The following GPHN variants were observed in gnomAD, a reference collection of about 807,000 sequenced individuals.
GPHN encodes the protein gephyrin.
In GPHN, 17 loss-of-function variants were observed where a neutral mutation model predicts 95.5. The ratio of observed to expected loss-of-function variants is 0.18; its 90% CI spans 0.12 to 0.27. GPHN has a LOEUF of 0.27. Among genes scored for constraint, GPHN ranks in the 10% least tolerant of loss-of-function variants. The probability of loss-of-function intolerance (pLI) is 1.00; values close to 1 mark genes in which losing one functional copy is unlikely to be tolerated. For synonymous variants in GPHN, 320 were observed against 322.5 expected, an observed-to-expected ratio of 0.99 and a Z score of 0.08; for missense variants, 660 against 978.1, an observed-to-expected ratio of 0.67 and a Z score of 4.34.
At chr14:66,546,535 G>A (rs1054377913) in intron 1 of GPHN, among the ~76,000 whole-genome samples, 5 of 152,306 alleles carry the variant, frequency 3.3e-5, no homozygotes, top group Admixed American at 6.5e-5. Flanking sequence ...TCGGGAGGCC[G>A]AGGCTGGCCG....
At chr14:67,370,040 T>C in the GPHN span, among the ~76,000 whole-genome samples, 2 of 152,240 alleles carry the variant, frequency 1.3e-5, no homozygotes, top group Non-Finnish European at 2.9e-5. Context: ...GATACTAAAT[T>C]AACTAAAAGT....
chr14:67,397,677 C>A, the GPHN span: 1 of 1,611,954 alleles, frequency 6.2e-7, no homozygotes, highest in Non-Finnish European at 8.5e-7. Flanking sequence ...GGTTTTCATA[C>A]TCCAGGCAGG....
chr14:66,534,521 T>A (rs1001903356), intron 1 of GPHN, among the ~76,000 whole-genome samples: 1 of 152,320 alleles, frequency 6.6e-6, no homozygotes, highest in South Asian at 2.1e-4. Flanking sequence ...ATTTGAATTG[T>A]TTCTAATTTT....
At chr14:67,662,434 C>A in the GPHN span, 1 of 1,546,008 alleles carries the variant, frequency 6.5e-7, no homozygotes, top group Non-Finnish European at 8.9e-7. Context: ...CTGGAAAAGA[C>A]CAACACCAGG....
chr14:67,203,465 A>G, the GPHN span, among the ~76,000 whole-genome samples: 1 of 152,214 alleles, frequency 6.6e-6, no homozygotes, highest in African/African-American at 2.4e-5. Flanking sequence ...CATGTATGAC[A>G]ATGGGTATCC....
chr14:67,084,613 T>A (rs1174899554), intron 11 of GPHN, among the ~76,000 whole-genome samples: 1 of 152,216 alleles, frequency 6.6e-6, no homozygotes, highest in Non-Finnish European at 1.5e-5. Flanking sequence ...TGTGAATTCC[T>A]TGAGGACATC....
At chr14:67,607,037 T>C in the GPHN span, among the ~76,000 whole-genome samples, 2 of 152,214 alleles carry the variant, frequency 1.3e-5, no homozygotes, top group Non-Finnish European at 2.9e-5. Flanking sequence ...ATACAGATTC[T>C]TGGGTCTCAC....
chr14:67,451,256 T>C, the GPHN span, among the ~76,000 whole-genome samples: 1 of 152,308 alleles, frequency 6.6e-6, no homozygotes, highest in East Asian at 1.9e-4. Context: ...TAGGGCATTG[T>C]GGAAGGGAAA....
At chr14:67,190,384 TG>T in the GPHN span, among the ~76,000 whole-genome samples, 1 of 151,764 alleles carries the variant, frequency 6.6e-6, no homozygotes, top group South Asian at 2.1e-4. Flanking sequence ...CCACCATGCC[TG>T]GCTAATTTTT....
chr14:66,592,521 C>T (rs12210921), intron 1 of GPHN, among the ~76,000 whole-genome samples: 1 of 150,598 alleles, frequency 6.6e-6, no homozygotes, highest in East Asian at 1.9e-4. Flanking sequence ...CAGAAGAAGA[C>T]ATTTGTGTGG....
chr14:67,039,189 A>T (rs886613174), intron 10 of GPHN, among the ~76,000 whole-genome samples: 3 of 151,794 alleles, frequency 2.0e-5, no homozygotes, highest in Non-Finnish European at 1.5e-5. Flanking sequence ...TTCACCTCCA[A>T]CCTCCAGCTT....
chr14:66,761,340 T>G (rs1002896580), intron 2 of GPHN, among the ~76,000 whole-genome samples: 2 of 152,186 alleles, frequency 1.3e-5, no homozygotes, highest in African/African-American at 4.8e-5. Flanking sequence ...GTGACAAAAA[T>G]TCATGGCTAG....
chr14:67,344,101 C>T, the GPHN span, among the ~76,000 whole-genome samples: 1 of 152,192 alleles, frequency 6.6e-6, no homozygotes, highest in Admixed American at 6.5e-5. Flanking sequence ...TGATTTGTTT[C>T]TGATTCATGA....
intron 9 of GPHN, among the ~76,000 whole-genome samples, chr14:66,986,895 ATTGT>A (rs777985183): frequency 2.0e-5 from 3 of 151,850 alleles, no homozygotes; most frequent in East Asian, 1.9e-4. Context: ...CTTTTTTGTT[ATTGT>A]TTATTTGTTT....
chr14:67,478,524 G>A, the GPHN span, among the ~76,000 whole-genome samples: 6 of 151,632 alleles, frequency 4.0e-5, no homozygotes, highest in East Asian at 1.9e-4. Flanking sequence ...TAGAAAAAAC[G>A]CAACCTTTCT....
chr14:67,569,828 G>C, the GPHN span: 3 of 793,660 alleles, frequency 3.8e-6, no homozygotes, highest in Non-Finnish European at 6.6e-6. Flanking sequence ...GCCTGCTCCT[G>C]GAGGGAATGC....
Position 66,622,551 on chromosome 14 carries a change from A to G in GPHN, c.65-58556A>G, listed in dbSNP as rs1361478070. Among the ~76,000 whole-genome samples, 6 of 152,168 alleles carry G rather than the reference A, an allele frequency of 3.9e-5. No individual in the cohort carries two copies. The East Asian group carries it at 1.2e-3, about 29-fold the overall frequency. ...CAGGCTACAAGTTTTCCAAACTTTT[A>G]TGCTCTGTTTCCCTTTTAAAACTGA... On this transcript the variant is annotated intron_variant, in intron 1 of 22. Transcript: ENST00000478722.
chr14:66,570,012 A>C (rs2060617085), intron 1 of GPHN, among the ~76,000 whole-genome samples: 1 of 150,984 alleles, frequency 6.6e-6, no homozygotes, highest in South Asian at 2.1e-4. Flanking sequence ...TCACTTTTTT[A>C]GATTTCCCAT....
chr14:67,221,762 GC>G, the GPHN span: 4 of 1,612,590 alleles, frequency 2.5e-6, no homozygotes, highest in Non-Finnish European at 3.4e-6. Flanking sequence ...TTTGAGATGT[GC>G]TATTTATTTT....
Sources: allele counts gnomAD v4.1 joint callset (sites outside exome capture counted in the v4.1 genomes callset), GRCh38; gene constraint gnomAD v4.1.1; transcripts MANE v1.5; gene names NCBI Gene and HGNC (gene_info 2026-07-23, HGNC 2026-07-21).